The following KCNMB2 variants were observed in gnomAD, a reference collection of about 807,000 sequenced individuals.
The protein encoded by KCNMB2 is calcium-activated potassium channel subunit beta-2.
A neutral mutation model predicts 24.5 loss-of-function variants in KCNMB2; 9 were observed. The observed-to-expected ratio is 0.37, with a 90% CI of 0.22 to 0.64. The LOEUF is 0.64. KCNMB2 is among the 30% of genes least tolerant of loss of function. KCNMB2 has a pLI of 0.63. For missense variants in KCNMB2, 226 were observed against 284.3 expected (o/e 0.79, Z 1.47); for synonymous variants, 109 against 104.4 (o/e 1.04, Z -0.27).
chr3:178,605,087 T>C (rs980577765), intron 1 of KCNMB2, among the ~76,000 whole-genome samples: 1 of 152,218 alleles, frequency 6.6e-6, no homozygotes, highest in Admixed American at 6.5e-5. Flanking sequence ...TGCTACAGAC[T>C]GAATGTTTGT....
At chr3:178,730,406 C>CCA (rs1485108677) in intron 1 of KCNMB2, among the ~76,000 whole-genome samples, 1 of 49,548 alleles carries the variant, frequency 2.0e-5, no homozygotes, top group South Asian at 7.5e-4. Flanking sequence ...TCCCCCAACA[C>CCA]CCCCCCACAC....
intron 1 of KCNMB2, among the ~76,000 whole-genome samples, chr3:178,666,347 A>T (rs1011722157): frequency 1.3e-5 from 2 of 152,140 alleles, no homozygotes; most frequent in Non-Finnish European, 2.9e-5. Flanking sequence ...CATGTAAAAA[A>T]TCCATGAATA....
At chr3:178,725,800 A>G (rs1487105877) in intron 1 of KCNMB2, among the ~76,000 whole-genome samples, 1 of 151,870 alleles carries the variant, frequency 6.6e-6, no homozygotes, top group Non-Finnish European at 1.5e-5. Flanking sequence ...ATCATTTTCT[A>G]ACCTTTTACC....
intron 1 of KCNMB2, among the ~76,000 whole-genome samples, chr3:178,700,682 A>G (rs1448217312): frequency 1.3e-5 from 2 of 152,158 alleles, no homozygotes; most frequent in African/African-American, 2.4e-5. Context: ...TTTGCAACAT[A>G]TATTACTCGT....
At chr3:178,682,696 T>C (rs993554969) in intron 1 of KCNMB2, among the ~76,000 whole-genome samples, 1 of 151,568 alleles carries the variant, frequency 6.6e-6, no homozygotes, top group African/African-American at 2.4e-5. Context: ...CTATTAAAAA[T>C]GGGCAAAAGA....
intron 4 of KCNMB2, among the ~76,000 whole-genome samples, chr3:178,837,866 G>A (rs1377825631): frequency 6.6e-6 from 1 of 151,904 alleles, no homozygotes; most frequent in Non-Finnish European, 1.5e-5. Flanking sequence ...TCTGACAAAT[G>A]TTTCTTTAAA....
intron 1 of KCNMB2, among the ~76,000 whole-genome samples, chr3:178,599,065 C>A (rs1717985005): frequency 6.6e-6 from 1 of 152,036 alleles, no homozygotes; most frequent in South Asian, 2.1e-4. Context: ...TCGTGTTTTA[C>A]AAAGACAAGT....
intron 1 of KCNMB2, among the ~76,000 whole-genome samples, chr3:178,572,060 T>C (rs1361567379): frequency 6.6e-6 from 1 of 152,216 alleles, no homozygotes; most frequent in Non-Finnish European, 1.5e-5. Flanking sequence ...ATTTTTTGAA[T>C]TTAAAATTCT....
chr3:178,687,590 A>G (rs1721513006), intron 1 of KCNMB2, among the ~76,000 whole-genome samples: 1 of 152,338 alleles, frequency 6.6e-6, no homozygotes, highest in South Asian at 2.1e-4. Context: ...TAGGGCAGAG[A>G]CAGAGTTTCA....
At chr3:178,741,693 G>A (rs1399528608) in intron 1 of KCNMB2, among the ~76,000 whole-genome samples, 2 of 152,190 alleles carry the variant, frequency 1.3e-5, no homozygotes, top group Non-Finnish European at 2.9e-5. Flanking sequence ...CTATGAGAAA[G>A]CAAGTTCTTC....
intron 1 of KCNMB2, among the ~76,000 whole-genome samples, chr3:178,618,917 T>C (rs2108524941): frequency 6.6e-6 from 1 of 152,312 alleles, no homozygotes; most frequent in South Asian, 2.1e-4. Flanking sequence ...ATTTTTTCAC[T>C]GTAAGATAAA....
At chr3:178,747,395 T>C (rs1723706318) in intron 1 of KCNMB2, among the ~76,000 whole-genome samples, 2 of 152,172 alleles carry the variant, frequency 1.3e-5, no homozygotes. Context: ...GAGATTTGGG[T>C]GGGGACACAG....
chr3:178,633,328 T>G (rs960078666), intron 1 of KCNMB2, among the ~76,000 whole-genome samples: 1 of 152,196 alleles, frequency 6.6e-6, no homozygotes, highest in Non-Finnish European at 1.5e-5. Context: ...AGGTTCTCCA[T>G]GAGGGCCCCA....
intron 1 of KCNMB2, among the ~76,000 whole-genome samples, chr3:178,698,934 T>C (rs1721982843): frequency 6.6e-6 from 1 of 152,240 alleles, no homozygotes; most frequent in Non-Finnish European, 1.5e-5. Flanking sequence ...GGGGGACTCA[T>C]ATTCGGCCCC....
In KCNMB2 at chr3:178,789,844, T is replaced by C. The variant is rs766749636; in HGVS notation, c.-67-17499T>C. 5.3e-5 allele frequency among the ~76,000 whole-genome samples: 8 copies of C among 152,178 alleles called. No individual in the cohort carries two copies. The East Asian group carries it at 1.2e-3, about 22-fold the overall frequency. On this transcript the variant is annotated intron_variant, in intron 1 of 4. Transcript: ENST00000452583. ...GCAGCCTAGGCCACAAGGACTGCAA[T>C]TCCTGAGCAAGTCCTGATGCTGTGC...
At chr3:178,665,958 C>T (rs1016936097) in intron 1 of KCNMB2, among the ~76,000 whole-genome samples, 8 of 152,142 alleles carry the variant, frequency 5.3e-5, no homozygotes, top group Non-Finnish European at 4.4e-5. Flanking sequence ...CTTTCTATTA[C>T]GCCTCCAGCT....
intron 1 of KCNMB2, among the ~76,000 whole-genome samples, chr3:178,576,953 A>G (rs984965856): frequency 1.3e-5 from 2 of 152,204 alleles, no homozygotes; most frequent in African/African-American, 4.8e-5. Context: ...GCCAGCTCTG[A>G]AGAGAGCGGA....
At chr3:178,749,244 GA>G (rs1723766121) in intron 1 of KCNMB2, 1 of 152,080 alleles carries the variant, frequency 6.6e-6, no homozygotes, top group Non-Finnish European at 1.5e-5. Flanking sequence ...TGCCTGCAGA[GA>G]AAAAGAAAAT....
intron 1 of KCNMB2, among the ~76,000 whole-genome samples, chr3:178,801,000 A>G (rs918598159): frequency 4.6e-5 from 7 of 152,150 alleles, no homozygotes; most frequent in South Asian, 2.1e-4. Context: ...GGAGATAGAA[A>G]GTAGAAGGAT....
Sources: allele counts gnomAD v4.1 joint callset (sites outside exome capture counted in the v4.1 genomes callset), GRCh38; gene constraint gnomAD v4.1.1; transcripts MANE v1.5; gene names NCBI Gene and HGNC (gene_info 2026-07-23, HGNC 2026-07-21).